The following CD2 variants were observed in gnomAD, a reference collection of about 807,000 sequenced individuals.
CD2 encodes CD2 molecule, also known as T-cell surface antigen CD2.
CD2 carries 18 observed loss-of-function variants against 23.2 expected under a neutral mutation model. The observed-to-expected ratio is 0.77, with a 90% CI of 0.54 to 1.15. CD2 has a LOEUF of 1.15. Ranked by LOEUF, CD2 falls within the 50% of genes most tolerant of loss-of-function variation. CD2 has a pLI of 0.00. For missense variants in CD2, 424 were observed against 423.1 expected, an observed-to-expected ratio of 1.00 and a Z score of -0.02; for synonymous variants, 162 against 151.9, an observed-to-expected ratio of 1.07 and a Z score of -0.49.
chr1:116,755,233 G>A (rs569111098), intron 2 of CD2, among the ~76,000 whole-genome samples: 30 of 152,174 alleles, frequency 2.0e-4, no homozygotes, highest in East Asian at 5.8e-4. Context: ...GGCATTAATC[G>A]GGAGGGGGAC....
At chr1:116,767,914 A>G (rs189620033) in intron 4 of CD2, among the ~76,000 whole-genome samples, 2 of 152,340 alleles carry the variant, frequency 1.3e-5, no homozygotes, top group Admixed American at 6.5e-5. Flanking sequence ...AAGGCCAAGA[A>G]CATAGGTCTT....
chr1:116,757,521 G>A (rs1443050611), intron 2 of CD2, among the ~76,000 whole-genome samples: 1 of 152,128 alleles, frequency 6.6e-6, no homozygotes, highest in Non-Finnish European at 1.5e-5. Context: ...TACTCCACAA[G>A]GGTGCCCATC....
At chr1:116,763,239 G>C (rs1652111895) in intron 3 of CD2, among the ~76,000 whole-genome samples, 1 of 152,210 alleles carries the variant, frequency 6.6e-6, no homozygotes, top group Non-Finnish European at 1.5e-5. Context: ...AGGAAAGAAA[G>C]CCAAGATGAA....
Position 116,768,632 on chromosome 1 carries a change from A to G in CD2, c.905A>G (p.His302Arg). 1 of 1,614,028 alleles carries G rather than the reference A, an allele frequency of 6.2e-7. No homozygotes were observed. Among genetic ancestry groups the G allele is most frequent in the Non-Finnish European group, 8.5e-7 (1 of 1,180,014 alleles). Residue 302 changes from histidine (H) to arginine (R), a missense_variant, in exon 5 of 5, where the codon CAC (histidine) becomes CGC (arginine). His to Arg is a conservative substitution (Grantham distance 29). Transcript: ENST00000369478. ...APSHRPPPPG[H>R]RVQHQPQKRP... The stretch of plus-strand genomic sequence containing the variant: ...AGTCATCGTCCCCCGCCTCCTGGAC[A>G]CCGTGTTCAGCACCAGCCTCAGAAG...
Position 116,768,732 on chromosome 1 carries a change from A to G in CD2, c.1005A>G (p.Pro335=), listed in dbSNP as rs1365919261. The change falls in exon 5 of 5, where the codon CCA becomes CCG. Residue 335 remains proline, a synonymous_variant. Transcript: ENST00000369478. ...CCCTCCCCAGACCTCGAGTTCAGCC[A>G]AAACCTCCCCATGGGGCAGCAGAAA... is the stretch of plus-strand genomic sequence containing the variant. The part of the protein sequence containing the change: ...GPPLPRPRVQ[P]KPPHGAAENS... 1 of 1,614,124 alleles carries G rather than the reference A, an allele frequency of 6.2e-7. No individual in the cohort carries two copies. The highest frequency in any genetic ancestry group is 2.2e-5 in the East Asian group (1 of 44,870).
At chr1:116,763,538 C>T (rs1218564126) in intron 3 of CD2, among the ~76,000 whole-genome samples, 1 of 152,224 alleles carries the variant, frequency 6.6e-6, no homozygotes, top group East Asian at 1.9e-4. Context: ...CCCAGAAACA[C>T]CAGTGCGAGA....
rs1652286168 is a variant in CD2, at chr1:116,768,508, A to G, written c.781A>G (p.Arg261Gly). The G allele has an allele frequency of 2.5e-6, 4 of 1,614,062 alleles. No individual in the cohort carries two copies. In the African/African-American group the frequency reaches 5.3e-5, roughly 22 times the overall value. ...AGCCCACAGAGTAGCTACTGAAGAAAGGGGCCGGAAGCCCCACCAAATTCC... is the reference window on the plus strand; with the variant it reads ...AGCCCACAGAGTAGCTACTGAAGAAGGGGGCCGGAAGCCCCACCAAATTCC... ...TRAHRVATEE[R>G]GRKPHQIPAS... is the part of the protein sequence containing the mutation. Residue 261 changes from arginine to glycine, a missense_variant, in exon 5 of 5, where the codon AGG (arginine) becomes GGG (glycine). By Grantham distance (125) the Arg-to-Gly change is moderately radical (BLOSUM62 -2). Coordinates refer to ENST00000369478, the MANE Select transcript of CD2 (RefSeq NM_001767.5).
Position 116,768,975 on chromosome 1 carries a change from A to C in CD2, c.*192A>C. On this transcript the variant is annotated 3_prime_UTR_variant, in exon 5 of 5. Coordinates refer to ENST00000369478, the MANE Select transcript of CD2 (RefSeq NM_001767.5). ...CATCTGGAGTTTTTGGTCTCCTCAGAGAGCTCCATCACACCAGTAAGGAGA... is the reference window on the plus strand; with the variant it reads ...CATCTGGAGTTTTTGGTCTCCTCAGCGAGCTCCATCACACCAGTAAGGAGA... 1.7e-6 allele frequency: 1 copy of C among 600,822 alleles called. No homozygotes were observed. Among genetic ancestry groups the C allele is most frequent in the Non-Finnish European group, 2.9e-6 (1 of 341,000 alleles). The allele number at this position is 600,822 out of a possible 1,614,324, so 37.2% of individuals were successfully genotyped here. A position where few individuals can be genotyped will look rare whatever the true frequency, so the allele number is the denominator to read the frequency against.
chr1:116,760,438 T>C lies in CD2; in HGVS notation c.419T>C (p.Ile140Thr), dbSNP rs780550266. ...AAACCAAAGATCTCCTGGACTTGTA[T>C]CAACACAACCCTGACCTGTGAGGTA... ...VSKPKISWTC[I>T]NTTLTCEVMN... Residue 140 changes from isoleucine (I) to threonine (T), a missense_variant, in exon 3 of 5, where the codon ATC becomes ACC. Physicochemically the swap from Ile to Thr is moderately conservative, Grantham distance 89. Transcript: ENST00000369478. The C allele has an allele frequency of 4.3e-5, 69 of 1,614,046 alleles. No individual in the cohort carries two copies. Among genetic ancestry groups the C allele is most frequent in the East Asian group, 2.0e-4 (9 of 44,890 alleles).
chr1:116,768,798 G>A lies in CD2; in HGVS notation c.*15G>A. 6.3e-7 allele frequency: 1 copy of A among 1,594,862 alleles called. No individual in the cohort carries two copies. The highest frequency in any genetic ancestry group is 8.5e-7 in the Non-Finnish European group (1 of 1,170,512). On this transcript the variant is annotated 3_prime_UTR_variant, in exon 5 of 5. Coordinates refer to ENST00000369478, the MANE Select transcript of CD2 (RefSeq NM_001767.5). Reference sequence around the variant, plus strand: ...CCTCTAATTAAAAAAGATAGAAACTGTCTTTTTCAATAAAAAGCACTGTGG... The same window carrying A: ...CCTCTAATTAAAAAAGATAGAAACTATCTTTTTCAATAAAAAGCACTGTGG...
intron 4 of CD2, among the ~76,000 whole-genome samples, chr1:116,765,624 T>C (rs779666423): frequency 2.6e-5 from 4 of 152,200 alleles, no homozygotes; most frequent in Non-Finnish European, 4.4e-5. Context: ...CCACCACGAC[T>C]GTCCCACACT....
At chr1:116,766,695 T>TA (rs35501785) in intron 4 of CD2, among the ~76,000 whole-genome samples, 3,621 of 148,454 alleles carry the variant, frequency 0.024, 136 homozygotes, top group African/African-American at 0.081. Context: ...GTCTCTACTT[T>TA]AAAAAAAAAA....
rs557217918 is a variant in CD2, at chr1:116,765,539, C to T, written c.736+933C>T. On this transcript the variant is annotated intron_variant, in intron 4 of 4. Coordinates refer to ENST00000369478, the MANE Select transcript of CD2 (RefSeq NM_001767.5). ...GCCTCCCCATCAGGCTGCGGTCCCT[C>T]AGCCCCACGTCCCATCACGTCACTA... 3.3e-5 allele frequency among the ~76,000 whole-genome samples: 5 copies of T among 152,314 alleles called. No homozygotes were observed. The East Asian group carries it at 9.7e-4, about 29-fold the overall frequency.
chr1:116,758,968 G>A (rs1417251980), intron 2 of CD2, among the ~76,000 whole-genome samples: 1 of 152,036 alleles, frequency 6.6e-6, no homozygotes, highest in African/African-American at 2.4e-5. Flanking sequence ...TTTCTAAACA[G>A]CTTCATTGAG....
chr1:116,768,511 G>C lies in CD2; in HGVS notation c.784G>C (p.Gly262Arg). 1 of 1,614,084 alleles carries C rather than the reference G, an allele frequency of 6.2e-7. No homozygotes were observed. Among genetic ancestry groups the C allele is most frequent in the Non-Finnish European group, 8.5e-7 (1 of 1,180,028 alleles). ...CCACAGAGTAGCTACTGAAGAAAGG[G>C]GCCGGAAGCCCCACCAAATTCCAGC... Reference protein sequence around the residue: ...RAHRVATEERGRKPHQIPAST... With the variant: ...RAHRVATEERRRKPHQIPAST... Residue 262 changes from glycine to arginine, a missense_variant, in exon 5 of 5, where the codon GGC becomes CGC. Physicochemically the swap from Gly to Arg is moderately radical, Grantham distance 125. Coordinates refer to ENST00000369478, the MANE Select transcript of CD2 (RefSeq NM_001767.5).
intron 3 of CD2, among the ~76,000 whole-genome samples, chr1:116,763,530 C>T (rs1337090910): frequency 6.6e-6 from 1 of 152,240 alleles, no homozygotes; most frequent in African/African-American, 2.4e-5. Flanking sequence ...AAACAGCTCC[C>T]AGAAACACCA....
At chr1:116,760,043 C>G (rs1651990919) in intron 2 of CD2, among the ~76,000 whole-genome samples, 1 of 152,212 alleles carries the variant, frequency 6.6e-6, no homozygotes, top group South Asian at 2.1e-4. Context: ...AGACCACCTA[C>G]TGGACCTCTC....
rs1652281189 is a variant in CD2, at chr1:116,768,386, T to A, written c.737-78T>A. The A allele has an allele frequency of 6.5e-6, 9 of 1,375,556 alleles. No homozygotes were observed. In the South Asian group the frequency reaches 1.3e-4, roughly 19 times the overall value. The allele number at this position is 1,375,556 out of a possible 1,614,324, so 85.2% of individuals were successfully genotyped here. A position where few individuals can be genotyped will look rare whatever the true frequency, so the allele number is the denominator to read the frequency against. ...CCCCCAAAGCAGCTAGCATGGCGCC[T>A]TGCATATAAAAGGTACTCAATATTT... On this transcript the variant is annotated intron_variant, in intron 4 of 4. Coordinates refer to ENST00000369478, the MANE Select transcript of CD2 (RefSeq NM_001767.5).
At chr1:116,757,863 G>C (rs1383634850) in intron 2 of CD2, among the ~76,000 whole-genome samples, 1 of 151,812 alleles carries the variant, frequency 6.6e-6, no homozygotes, top group East Asian at 1.9e-4. Context: ...TCTGCCTCTT[G>C]GGTTCAAGCA....
Sources: gnomAD v4.1 joint callset for allele counts (sites outside exome capture counted in the v4.1 genomes callset) on GRCh38, gnomAD v4.1.1 for gene constraint, MANE v1.5 for transcripts, NCBI Gene and HGNC (gene_info 2026-07-23, HGNC 2026-07-21) for gene names.